Variants in PRKX observed in about 807,000 individuals in gnomAD.
The protein encoded by PRKX is protein kinase cAMP-dependent X-linked catalytic subunit.
PRKX carries 12 observed loss-of-function variants against 22.0 expected under a neutral mutation model. The ratio of observed to expected loss-of-function variants is 0.54; its 90% CI spans 0.35 to 0.88. The LOEUF (loss-of-function observed/expected upper bound fraction) is 0.88, where lower values mean the gene tolerates loss of function less well. PRKX is among the 40% of genes least tolerant of loss of function. PRKX has a pLI of 0.01. For synonymous variants in PRKX, 134 were observed against 137.7 expected (o/e 0.97, Z 0.19); for missense variants, 217 against 308.0 (o/e 0.70, Z 2.21).
chrX:3,658,273 G>A (rs1255291990), intron 2 of PRKX, among the ~76,000 whole-genome samples: 1 of 111,106 alleles, frequency 9.0e-6, no homozygotes, highest in Non-Finnish European at 1.9e-5. Flanking sequence ...TTACAGGCAT[G>A]AGCCACCGTG....
intron 3 of PRKX, among the ~76,000 whole-genome samples, chrX:3,650,105 C>T (rs1409421964): frequency 3.6e-5 from 4 of 111,099 alleles, no homozygotes; most frequent in Non-Finnish European, 7.6e-5. Flanking sequence ...TGCACTACTG[C>T]ACTCCAGCCT....
chrX:3,606,141 C>T lies in PRKX; in HGVS notation c.*2828G>A, dbSNP rs1398920080. ...CCAATTTAAGAAAATATTGCCAACTCGTAAAATTACATGAAGCAAAGTAAA... is the reference window on the plus strand; with the variant it reads ...CCAATTTAAGAAAATATTGCCAACTTGTAAAATTACATGAAGCAAAGTAAA... On this transcript the variant is annotated 3_prime_UTR_variant, in exon 9 of 9. Transcript: ENST00000262848. The T allele has an allele frequency of 8.9e-6, 1 of 112,171 alleles. No homozygotes were observed. Among genetic ancestry groups the T allele is most frequent in the Non-Finnish European group, 1.9e-5 (1 of 53,267 alleles). 9.2% of individuals were successfully genotyped at this position (112,171 alleles called of 1,213,427 possible).
chrX:3,670,705 C>T (rs1407301047), intron 2 of PRKX, among the ~76,000 whole-genome samples: 1 of 110,781 alleles, frequency 9.0e-6, no homozygotes, highest in Admixed American at 9.6e-5. Flanking sequence ...CCACCACACC[C>T]AGCTAATTTT....
rs1603475049 is a variant in PRKX, at chrX:3,713,500, C to A, written c.-247G>T. The A allele has an allele frequency of 4.1e-6, 1 of 243,808 alleles. No individual in the cohort carries two copies. The highest frequency in any genetic ancestry group is 7.3e-6 in the Non-Finnish European group (1 of 136,446). The allele number at this position is 243,808 out of a possible 1,213,427, so 20.1% of individuals were successfully genotyped here. Reference sequence around the variant, plus strand: ...AGCCGCCGGCCTCGGGGGGCGGGCACCGAGTGCGGGACGACTGCGGGGAAG... The same window carrying A: ...AGCCGCCGGCCTCGGGGGGCGGGCAACGAGTGCGGGACGACTGCGGGGAAG... On this transcript the variant is annotated 5_prime_UTR_variant, in exon 1 of 9. Transcript: ENST00000262848.
intron 2 of PRKX, among the ~76,000 whole-genome samples, chrX:3,667,726 C>G (rs1927764711): frequency 9.0e-6 from 1 of 111,015 alleles, no homozygotes; most frequent in Admixed American, 9.7e-5. Flanking sequence ...CCTCATACCC[C>G]AGTCCCCATG....
chrX:3,681,089 A>AAAAT lies in PRKX; in HGVS notation c.167-6327_167-6324dup, dbSNP rs768605644. On this transcript the variant is annotated intron_variant, in intron 1 of 8. Coordinates refer to ENST00000262848, the MANE Select transcript of PRKX (RefSeq NM_005044.5). ...CCTGTCTCCAAAAATAAATAAATAAAAAATAAATAAGGCCAGGCACAGTGG... is the reference window on the plus strand; with the variant it reads ...CCTGTCTCCAAAAATAAATAAATAAAAAATAAATAAATAAGGCCAGGCACAGTGG... Among the ~76,000 whole-genome samples the AAAAT allele has an allele frequency of 1.0e-4, 11 of 110,259 alleles. No individual in the cohort carries two copies. In the East Asian group the frequency reaches 2.6e-3, roughly 26 times the overall value.
intron 6 of PRKX, among the ~76,000 whole-genome samples, chrX:3,618,906 C>G (rs906370124): frequency 1.8e-5 from 2 of 111,943 alleles, no homozygotes; most frequent in Admixed American, 1.9e-4. Flanking sequence ...CTCGTCCAAT[C>G]TTATGAAGAG....
intron 1 of PRKX, among the ~76,000 whole-genome samples, chrX:3,688,969 TG>T (rs1159394787): frequency 9.0e-6 from 1 of 110,923 alleles, no homozygotes; most frequent in Non-Finnish European, 1.9e-5. Flanking sequence ...CACATTAATA[TG>T]GGCACCTGGG....
chrX:3,612,159 C>G lies in PRKX; in HGVS notation c.*23+18G>C, dbSNP rs1170294424. The stretch of plus-strand genomic sequence containing the variant: ...AGTCAGTCTCATTTTTTGGGAATTA[C>G]TAAATATAAAGATATACCTTCCAGA... On this transcript the variant is annotated intron_variant, in intron 8 of 8. Transcript: ENST00000262848. The G allele has an allele frequency of 8.5e-7, 1 of 1,175,516 alleles. No homozygotes were observed. The highest frequency in any genetic ancestry group is 1.1e-6 in the Non-Finnish European group (1 of 877,406).
chrX:3,704,485 C>T (rs1039492206), intron 1 of PRKX, among the ~76,000 whole-genome samples: 4 of 110,999 alleles, frequency 3.6e-5, no homozygotes, highest in South Asian at 7.7e-4. Context: ...GGCAACATGA[C>T]GAGACTATCT....
At chrX:3,642,447 G>C (rs1437760888) in intron 3 of PRKX, among the ~76,000 whole-genome samples, 1 of 109,948 alleles carries the variant, frequency 9.1e-6, no homozygotes, top group African/African-American at 3.3e-5. Flanking sequence ...CACAGAGAGG[G>C]GGAAAAGCAG....
At chrX:3,634,892 T>C (rs934584658) in intron 4 of PRKX, among the ~76,000 whole-genome samples, 8 of 111,444 alleles carry the variant, frequency 7.2e-5, no homozygotes, top group African/African-American at 2.6e-4. Flanking sequence ...TTTGTAGAAA[T>C]GGGGTCTCAC....
chrX:3,680,286 G>A (rs922234604), intron 1 of PRKX, among the ~76,000 whole-genome samples: 7 of 110,656 alleles, frequency 6.3e-5, no homozygotes, highest in African/African-American at 1.3e-4. Context: ...TGGGATTACC[G>A]GTGCCCGCCA....
intron 8 of PRKX, chrX:3,611,292 G>A (rs1454424965): frequency 1.8e-5 from 2 of 112,232 alleles, no homozygotes; most frequent in East Asian, 5.6e-4. Context: ...TTCGAATGGT[G>A]TTGGTTAGCC....
At position 3,702,295 on chromosome X, in the gene PRKX, G is replaced by C. The variant is rs754260417; in HGVS notation, c.166+10793C>G. 3.5e-5 allele frequency among the ~76,000 whole-genome samples: 4 copies of C among 112,840 alleles called. No individual in the cohort carries two copies. The South Asian group carries it at 1.5e-3, about 41-fold the overall frequency. ...AAGCACTTCTTTCTTCTGTGCCAAG[G>C]TTTCTCTGGCCACACCTGTGTGCAA... is the stretch of plus-strand genomic sequence containing the variant. On this transcript the variant is annotated intron_variant, in intron 1 of 8. Transcript: ENST00000262848.
At chrX:3,676,904 G>T (rs1927968330) in intron 1 of PRKX, among the ~76,000 whole-genome samples, 1 of 112,163 alleles carries the variant, frequency 8.9e-6, no homozygotes, top group South Asian at 3.7e-4. Flanking sequence ...TGTCATGTAA[G>T]ACGTGACTTT....
intron 1 of PRKX, among the ~76,000 whole-genome samples, chrX:3,675,544 C>T (rs1927935955): frequency 1.8e-5 from 2 of 110,133 alleles, no homozygotes; most frequent in South Asian, 7.8e-4. Flanking sequence ...TTCTTTTCCA[C>T]TTCTTCCTCC....
At chrX:3,669,181 GCTAT>G (rs1226039914) in intron 2 of PRKX, among the ~76,000 whole-genome samples, 13 of 112,373 alleles carry the variant, frequency 1.2e-4, no homozygotes, top group African/African-American at 3.6e-4. Flanking sequence ...ATAGCTACCA[GCTAT>G]CTATCAATCA....
chrX:3,621,581 G>T (rs1417533114), intron 5 of PRKX, among the ~76,000 whole-genome samples: 1 of 112,095 alleles, frequency 8.9e-6, no homozygotes, highest in Non-Finnish European at 1.9e-5. Context: ...CCTCTGAGTA[G>T]AAAAGGGTGA....
Sources: gnomAD v4.1 joint callset for allele counts (sites outside exome capture counted in the v4.1 genomes callset) on GRCh38, gnomAD v4.1.1 for gene constraint, MANE v1.5 for transcripts, NCBI Gene and HGNC (gene_info 2026-07-23, HGNC 2026-07-21) for gene names.